The following COX16 variants were observed in gnomAD, a reference collection of about 807,000 sequenced individuals.
COX16 encodes the protein cytochrome c oxidase assembly protein COX16 homolog, mitochondrial.
COX16 carries 12 observed loss-of-function variants against 15.4 expected under a neutral mutation model. That is an observed-to-expected ratio of 0.78 (90% CI 0.50 to 1.26). The LOEUF is 1.26. COX16 is among the 50% of genes most tolerant of loss of function. COX16 has a pLI of 0.00. For missense variants in COX16, 124 were observed against 127.6 expected, an observed-to-expected ratio of 0.97 and a Z score of 0.14; for synonymous variants, 46 against 41.1, an observed-to-expected ratio of 1.12 and a Z score of -0.46.
At chr14:70,331,169 G>A (rs773892896) in intron 2 of COX16, among the ~76,000 whole-genome samples, 3 of 151,924 alleles carry the variant, frequency 2.0e-5, no homozygotes, top group South Asian at 2.1e-4. Context: ...CACTACGCCC[G>A]GCTAATTTTT....
At chr14:70,354,841 CGT>C (rs55646280) in intron 1 of COX16, among the ~76,000 whole-genome samples, 8 of 148,968 alleles carry the variant, frequency 5.4e-5, no homozygotes, top group South Asian at 4.3e-4. Context: ...TGTGTGTGTG[CGT>C]GTGTGTGTGT....
At chr14:70,327,305 ACT>A (rs1430399951) in intron 3 of COX16, among the ~76,000 whole-genome samples, 2 of 151,820 alleles carry the variant, frequency 1.3e-5, no homozygotes, top group Non-Finnish European at 2.9e-5. Flanking sequence ...CTGGGCATTA[ACT>A]CTCTCATAAG....
chr14:70,346,697 C>T (rs1366484238), intron 1 of COX16, among the ~76,000 whole-genome samples: 12 of 151,942 alleles, frequency 7.9e-5, no homozygotes, highest in Non-Finnish European at 1.5e-5. Context: ...TAATTAATAC[C>T]GGGCAAACTA....
In COX16 at chr14:70,359,448, C is replaced by T. The variant is rs551353016; in HGVS notation, c.69+71G>A. 1.1e-4 allele frequency: 145 copies of T among 1,364,854 alleles called. 1 individual carries two copies. In the African/African-American group the frequency reaches 1.9e-3, roughly 18 times the overall value. The allele number at this position is 1,364,854 out of a possible 1,614,324, so 84.5% of individuals were successfully genotyped here. On this transcript the variant is annotated intron_variant, in intron 1 of 3. Transcript: ENST00000389912. ...CCTTAACTTCACATTTTACAGATTC[C>T]CTCCCAGGTCTTGATCCTGCCAAGG... is the stretch of plus-strand genomic sequence containing the variant.
chr14:70,345,849 C>T (rs1886762638), intron 1 of COX16, among the ~76,000 whole-genome samples: 1 of 152,042 alleles, frequency 6.6e-6, no homozygotes, highest in African/African-American at 2.4e-5. Context: ...TGACTGCTAT[C>T]CACCCCTCCC....
intron 2 of COX16, among the ~76,000 whole-genome samples, chr14:70,338,686 A>G (rs946258017): frequency 3.9e-5 from 6 of 152,196 alleles, no homozygotes; most frequent in Admixed American, 3.9e-4. Flanking sequence ...ATGATAATGC[A>G]TGTTCTCACT....
chr14:70,351,417 C>T (rs1276376655), intron 1 of COX16, among the ~76,000 whole-genome samples: 1 of 152,146 alleles, frequency 6.6e-6, no homozygotes, highest in Non-Finnish European at 1.5e-5. Flanking sequence ...ATTAACTACC[C>T]AGTTTAACAA....
chr14:70,347,339 C>T (rs928762397), intron 1 of COX16, among the ~76,000 whole-genome samples: 1 of 152,166 alleles, frequency 6.6e-6, no homozygotes, highest in Admixed American at 6.5e-5. Context: ...ATATACTTTA[C>T]TTTCTGCAAT....
intron 1 of COX16, among the ~76,000 whole-genome samples, chr14:70,346,145 C>G (rs182225046): frequency 6.6e-6 from 1 of 152,194 alleles, no homozygotes; most frequent in African/African-American, 2.4e-5. Context: ...GAACCATTAT[C>G]TTAAACCTTC....
At chr14:70,346,227 C>A (rs1469928933) in intron 1 of COX16, among the ~76,000 whole-genome samples, 1 of 152,222 alleles carries the variant, frequency 6.6e-6, no homozygotes, top group Non-Finnish European at 1.5e-5. Context: ...TCAAACCTCA[C>A]AAGACCGTCT....
At chr14:70,332,994 A>G (rs1369249657) in intron 2 of COX16, among the ~76,000 whole-genome samples, 5 of 152,204 alleles carry the variant, frequency 3.3e-5, no homozygotes, top group Admixed American at 3.3e-4. Context: ...ACTCACGGCA[A>G]GCCTGGGCTT....
intron 2 of COX16, among the ~76,000 whole-genome samples, chr14:70,339,618 A>G (rs1308806793): frequency 6.6e-6 from 1 of 151,960 alleles, no homozygotes; most frequent in Non-Finnish European, 1.5e-5. Context: ...CCTAACCTCA[A>G]TCTCTCAACC....
rs1886067910 is a variant in COX16 at position 70,326,260 on chromosome 14, A to T, written c.*73T>A. ...TGGAATTTCCTTTCCACTTGATAGA[A>T]GTATATATTAGGAAGTCCAGTTAAT... On this transcript the variant is annotated 3_prime_UTR_variant, in exon 4 of 4. Coordinates refer to ENST00000389912, the MANE Select transcript of COX16 (RefSeq NM_016468.7). The T allele has an allele frequency of 8.3e-7, 1 of 1,204,886 alleles. No homozygotes were observed. Among genetic ancestry groups the T allele is most frequent in the African/African-American group, 1.6e-5 (1 of 63,056 alleles). 74.6% of individuals were successfully genotyped at this position (1,204,886 alleles called of 1,614,324 possible).
chr14:70,339,607 C>G (rs1268807858), intron 2 of COX16, among the ~76,000 whole-genome samples: 3 of 152,134 alleles, frequency 2.0e-5, no homozygotes, highest in Non-Finnish European at 4.4e-5. Flanking sequence ...CTCTTGACCA[C>G]CCTAACCTCA....
intron 2 of COX16, among the ~76,000 whole-genome samples, chr14:70,341,862 TGA>T (rs1193538360): frequency 1.3e-5 from 2 of 152,052 alleles, no homozygotes; most frequent in Non-Finnish European, 2.9e-5. Context: ...TGTGTGTGTG[TGA>T]GTGTGTGTGT....
chr14:70,345,793 G>A (rs943995818), intron 1 of COX16, among the ~76,000 whole-genome samples: 3 of 151,832 alleles, frequency 2.0e-5, no homozygotes, highest in South Asian at 2.1e-4. Context: ...CGCCCTGATC[G>A]CCTTTCTCCT....
At chr14:70,332,249 G>A (rs1186803089) in intron 2 of COX16, among the ~76,000 whole-genome samples, 1 of 152,212 alleles carries the variant, frequency 6.6e-6, no homozygotes. Context: ...TCCCAGCTCA[G>A]AGCTGTTTAC....
chr14:70,358,040 A>G (rs1423157962), intron 1 of COX16, among the ~76,000 whole-genome samples: 1 of 152,258 alleles, frequency 6.6e-6, no homozygotes, highest in Non-Finnish European at 1.5e-5. Context: ...AATTATATCC[A>G]TCAAAAGGAA....
At chr14:70,350,277 T>C (rs900620117) in intron 1 of COX16, among the ~76,000 whole-genome samples, 9 of 151,990 alleles carry the variant, frequency 5.9e-5, no homozygotes, top group Non-Finnish European at 1.0e-4. Context: ...GCCAATCCAG[T>C]TACAACTTAG....
Sources: allele counts gnomAD v4.1 joint callset (sites outside exome capture counted in the v4.1 genomes callset), GRCh38; gene constraint gnomAD v4.1.1; transcripts MANE v1.5; gene names NCBI Gene and HGNC (gene_info 2026-07-23, HGNC 2026-07-21).